The following OSBPL8 variants were observed in gnomAD, a reference collection of about 807,000 sequenced individuals.
OSBPL8 encodes the protein oxysterol-binding protein-related protein 8.
Under a neutral mutation model 125.5 loss-of-function variants are expected in OSBPL8, and 59 were observed. The observed-to-expected ratio is 0.47, with a 90% CI of 0.38 to 0.58. OSBPL8 has a LOEUF of 0.58. Among genes scored for constraint, OSBPL8 ranks in the 20% least tolerant of loss-of-function variants. OSBPL8 has a pLI of 0.00. For synonymous variants in OSBPL8, 330 were observed against 338.9 expected, an observed-to-expected ratio of 0.97 and a Z score of 0.29; for missense variants, 758 against 1,047.8, an observed-to-expected ratio of 0.72 and a Z score of 3.82.
At chr12:76,417,186 A>G (rs1362146091) in intron 4 of OSBPL8, among the ~76,000 whole-genome samples, 1 of 152,166 alleles carries the variant, frequency 6.6e-6, no homozygotes, top group African/African-American at 2.4e-5. Flanking sequence ...TATCCTTACA[A>G]CTTAAGACTT....
chr12:76,480,039 T>C (rs1268558317), intron 2 of OSBPL8, among the ~76,000 whole-genome samples: 3 of 151,424 alleles, frequency 2.0e-5, no homozygotes, highest in African/African-American at 7.3e-5. Flanking sequence ...TGGTGGCGCA[T>C]GCCTGTAATC....
intron 1 of OSBPL8, among the ~76,000 whole-genome samples, chr12:76,528,013 T>A (rs940689184): frequency 3.9e-5 from 6 of 152,156 alleles, no homozygotes; most frequent in Admixed American, 3.3e-4. Flanking sequence ...TGTAGCATTT[T>A]ACCTTCTAAT....
chr12:76,359,768 C>T (rs1038532602), intron 21 of OSBPL8, among the ~76,000 whole-genome samples: 4 of 152,142 alleles, frequency 2.6e-5, no homozygotes, highest in African/African-American at 4.8e-5. Context: ...CATCAGATCT[C>T]GTGAGACTTA....
chr12:76,358,517 T>C (rs1376694343), intron 22 of OSBPL8, among the ~76,000 whole-genome samples, 189 bp downstream of exon 22: 3 of 152,084 alleles, frequency 2.0e-5, no homozygotes, highest in Admixed American at 2.0e-4. Flanking sequence ...CTCCCCTTTT[T>C]CATTTTCTGT....
intron 10 of OSBPL8, among the ~76,000 whole-genome samples, chr12:76,391,937 C>A (rs375870786): frequency 1.3e-5 from 2 of 152,092 alleles, no homozygotes; most frequent in East Asian, 3.9e-4. Context: ...GGGGTGGGGA[C>A]AGGGAGGAAA....
intron 4 of OSBPL8, among the ~76,000 whole-genome samples, chr12:76,431,162 G>A (rs1165574493): frequency 6.6e-6 from 1 of 151,950 alleles, no homozygotes; most frequent in African/African-American, 2.4e-5. Context: ...GATAGCTGAA[G>A]TTTGTTATTA....
At chr12:76,363,927 A>G (rs1345036740) in intron 21 of OSBPL8, among the ~76,000 whole-genome samples, 3 of 152,264 alleles carry the variant, frequency 2.0e-5, no homozygotes, top group African/African-American at 7.2e-5. Context: ...TCCTTAGAGC[A>G]ATGCAAATCA....
At chr12:76,387,380 C>A (rs568855423) in intron 12 of OSBPL8, among the ~76,000 whole-genome samples, 2 of 152,208 alleles carry the variant, frequency 1.3e-5, no homozygotes, top group African/African-American at 4.8e-5. Context: ...TATTCTTCAA[C>A]CTGCTCTTGT....
chr12:76,473,904 G>C (rs1876486204), intron 2 of OSBPL8, among the ~76,000 whole-genome samples: 1 of 152,062 alleles, frequency 6.6e-6, no homozygotes, highest in Non-Finnish European at 1.5e-5. Flanking sequence ...CTATCTCATA[G>C]GGTTATTTTA....
In OSBPL8 at chr12:76,410,577, A is replaced by G; in HGVS notation, c.275T>C (p.Met92Thr). The change falls in exon 5 of 24, where the codon ATG (methionine) becomes ACG (threonine). Residue 92 changes from methionine (M) to threonine (T), a missense_variant. Met to Thr is a moderately conservative substitution (Grantham distance 81). Around this residue, in one of 3 missense-constraint regions of OSBPL8, gnomAD observed 117 missense variants for 137.1 expected, o/e 0.85. Transcript: ENST00000261183. The part of the protein sequence containing the change: ...SQNKDESSLS[M>T]SKSKSESKLY... The stretch of plus-strand genomic sequence containing the variant: ...ATATATGCTTACCTTGCTCTTTGAC[A>G]TAGAAAGTGAAGATTCATCTTTATT... 1.2e-6 allele frequency: 2 copies of G among 1,603,626 alleles called. No homozygotes were observed. The highest frequency in any genetic ancestry group is 1.7e-6 in the Non-Finnish European group (2 of 1,171,754).
chr12:76,397,202 A>AT (rs34719825), intron 8 of OSBPL8, among the ~76,000 whole-genome samples: 20,901 of 150,240 alleles, frequency 0.14, 1,966 homozygotes, highest in Non-Finnish European at 0.22. Flanking sequence ...ATTAAAAAAA[A>AT]TTTTTTTTTT....
intron 4 of OSBPL8, among the ~76,000 whole-genome samples, chr12:76,440,764 A>G (rs1484164326): frequency 1.3e-5 from 2 of 152,106 alleles, no homozygotes; most frequent in African/African-American, 4.8e-5. Flanking sequence ...AGAATCTTCA[A>G]TCCAAATTTC....
intron 1 of OSBPL8, among the ~76,000 whole-genome samples, chr12:76,491,831 C>T (rs907608027): frequency 3.3e-5 from 5 of 152,100 alleles, no homozygotes; most frequent in Non-Finnish European, 5.9e-5. Context: ...TTGAATACTG[C>T]ATTATTATAT....
At chr12:76,398,027 T>G in intron 7 of OSBPL8, 130 bp from the exon 8 acceptor site, 2 of 763,726 alleles carry the variant, frequency 2.6e-6, no homozygotes, top group South Asian at 3.9e-5. Context: ...ATTTAAAAGC[T>G]ACTACATGGC....
At chr12:76,416,452 G>A (rs899492866) in intron 4 of OSBPL8, among the ~76,000 whole-genome samples, 3 of 151,944 alleles carry the variant, frequency 2.0e-5, no homozygotes, top group Non-Finnish European at 4.4e-5. Flanking sequence ...GTTCTATTTT[G>A]ATATGTATTT....
intron 1 of OSBPL8, among the ~76,000 whole-genome samples, chr12:76,544,948 A>T (rs1414036764): frequency 6.6e-6 from 1 of 152,162 alleles, no homozygotes; most frequent in Non-Finnish European, 1.5e-5. Flanking sequence ...TTGGAATTTT[A>T]GCCTCTCTAA....
At chr12:76,556,813 A>G (rs1399887657) in intron 1 of OSBPL8, among the ~76,000 whole-genome samples, 1 of 151,928 alleles carries the variant, frequency 6.6e-6, no homozygotes, top group African/African-American at 2.4e-5. Flanking sequence ...ACAGGCACAC[A>G]CTGCCACGCC....
intron 1 of OSBPL8, among the ~76,000 whole-genome samples, chr12:76,512,023 G>A (rs193152680): frequency 1.2e-4 from 19 of 152,212 alleles, no homozygotes; most frequent in East Asian, 1.2e-3. Context: ...TTGTTACATA[G>A]ATAAACACAT....
intron 12 of OSBPL8, 116 bp downstream of exon 12, chr12:76,389,529 G>C (rs560362268): frequency 1.3e-6 from 1 of 782,586 alleles, no homozygotes; most frequent in African/African-American, 1.8e-5. Flanking sequence ...AGAGAACAGA[G>C]AGTGATGTCT....
Sources: allele counts gnomAD v4.1 joint callset (sites outside exome capture counted in the v4.1 genomes callset), GRCh38; gene constraint gnomAD v4.1.1; regional missense constraint gnomAD v4.1.1; transcripts MANE v1.5; gene names NCBI Gene and HGNC (gene_info 2026-07-23, HGNC 2026-07-21).